ZC3H15: variants seen among roughly 807,000 people sequenced by gnomAD.
The protein encoded by ZC3H15 is zinc finger CCCH domain-containing protein 15.
A neutral mutation model predicts 51.2 loss-of-function variants in ZC3H15; 15 were observed. The observed-to-expected ratio is 0.29, with a 90% CI of 0.20 to 0.45. The LOEUF (loss-of-function observed/expected upper bound fraction) is 0.45. ZC3H15 is among the 20% of genes least tolerant of loss of function. The pLI is 1.00. For missense variants in ZC3H15, 381 were observed against 494.7 expected (o/e 0.77, Z 2.18); for synonymous variants, 144 against 162.8 (o/e 0.88, Z 0.88).
At chr2:186,497,061 C>A in intron 2 of ZC3H15, 1 of 366,376 alleles carries the variant, frequency 2.7e-6, no homozygotes, top group Non-Finnish European at 5.2e-6. Flanking sequence ...AAATGTAGCC[C>A]CTTTTTTTTT....
In ZC3H15 at chr2:186,500,283, A is replaced by T. The variant is rs1685359086; in HGVS notation, c.279A>T (p.Lys93Asn). 2 of 1,605,006 alleles carry T rather than the reference A, an allele frequency of 1.2e-6. No individual in the cohort carries two copies. Among genetic ancestry groups the T allele is most frequent in the South Asian group, 1.1e-5 (1 of 88,198 alleles). Residue 93 changes from lysine to asparagine, a missense_variant, in exon 3 of 10, where the codon AAA (lysine) becomes AAT (asparagine). Lys to Asn is a moderately conservative substitution (Grantham distance 94). Transcript: ENST00000337859. ...ELFKPVVAAQ[K>N]ISKGADPKSV... Reference sequence around the variant, plus strand: ...TCAAACCTGTAGTTGCTGCTCAAAAAATAAGTAAAGGTAAACTTAAAATTT... The same window carrying T: ...TCAAACCTGTAGTTGCTGCTCAAAATATAAGTAAAGGTAAACTTAAAATTT...
intron 9 of ZC3H15, 138 bp from the exon 10 acceptor site, chr2:186,508,405 G>T (rs1406576360): frequency 1.4e-6 from 1 of 715,828 alleles, no homozygotes; most frequent in Non-Finnish European, 2.3e-6. Flanking sequence ...ATCAGTTCTT[G>T]CTGGAGTAAT....
At chr2:186,494,829 G>A (rs541792032) in intron 1 of ZC3H15, among the ~76,000 whole-genome samples, 2 of 152,186 alleles carry the variant, frequency 1.3e-5, no homozygotes, top group South Asian at 2.1e-4. Context: ...GTGGGGTGGC[G>A]GAGGGGAGGG....
In ZC3H15 at chr2:186,501,416, C is replaced by G. The variant is rs752108059; in HGVS notation, c.433C>G (p.Leu145Val). The G allele has an allele frequency of 1.2e-6, 2 of 1,604,860 alleles. No individual in the cohort carries two copies. The highest frequency in any genetic ancestry group is 1.7e-6 in the Non-Finnish European group (2 of 1,176,894). ...SVYIDARDEE[L>V]EKDTMDNWDE... ...TTACATTGATGCAAGAGATGAAGAACTTGAAAAAGGTAATTTTTTTAAAAA... is the reference window on the plus strand; with the variant it reads ...TTACATTGATGCAAGAGATGAAGAAGTTGAAAAAGGTAATTTTTTTAAAAA... The change falls in exon 4 of 10, where the codon CTT becomes GTT. Residue 145 changes from leucine to valine, a missense_variant. Transcript: ENST00000337859.
chr2:186,498,220 T>G (rs1438926725), intron 2 of ZC3H15, among the ~76,000 whole-genome samples: 1 of 152,050 alleles, frequency 6.6e-6, no homozygotes, highest in African/African-American at 2.4e-5. Context: ...TACCTCCCCC[T>G]ACACCCAAAA....
At chr2:186,507,100 G>GT (rs770939625) in intron 9 of ZC3H15, among the ~76,000 whole-genome samples, 13 of 152,152 alleles carry the variant, frequency 8.5e-5, no homozygotes, top group Non-Finnish European at 1.9e-4. Context: ...GACCTCATGA[G>GT]TTTGAGATTT....
At chr2:186,502,856 T>C (rs891959749) in intron 5 of ZC3H15, among the ~76,000 whole-genome samples, 5 of 152,130 alleles carry the variant, frequency 3.3e-5, no homozygotes, top group African/African-American at 9.7e-5. Context: ...CAAATATGGA[T>C]AAACAAAATT....
Position 186,486,474 on chromosome 2 carries a change from CCCCCA to C in ZC3H15, c.75+19_75+23del. 1 of 1,537,780 alleles carries C rather than the reference CCCCCA, an allele frequency of 6.5e-7. No individual in the cohort carries two copies. Among genetic ancestry groups the C allele is most frequent in the Non-Finnish European group, 8.8e-7 (1 of 1,139,372 alleles). ...ATTATCGAAGTGAGTACCCACCCCT[CCCCCA>C]CTCACGCCGCGAGCCCTCCGGAAAG... On this transcript the variant is annotated intron_variant, in intron 1 of 9. Coordinates refer to ENST00000337859, the MANE Select transcript of ZC3H15 (RefSeq NM_018471.3).
At chr2:186,502,814 C>T (rs931743051) in intron 5 of ZC3H15, among the ~76,000 whole-genome samples, 2 of 152,070 alleles carry the variant, frequency 1.3e-5, no homozygotes, top group Non-Finnish European at 2.9e-5. Context: ...TACTGAAGTC[C>T]TTTAAATGCC....
chr2:186,501,868 C>T (rs915504309), intron 4 of ZC3H15, among the ~76,000 whole-genome samples: 1 of 151,942 alleles, frequency 6.6e-6, no homozygotes, highest in Non-Finnish European at 1.5e-5. Context: ...CGTGCCGCCA[C>T]GCCCAGCTCA....
At chr2:186,503,467 T>C (rs1470230) in intron 5 of ZC3H15, among the ~76,000 whole-genome samples, 100,785 of 152,022 alleles carry the variant, frequency 0.66, 33,720 homozygotes, top group Non-Finnish European at 0.71. Flanking sequence ...ACCTCTGCTT[T>C]CCGGGTTCAA....
At chr2:186,500,121 T>G in intron 2 of ZC3H15, 61 bp from the exon 3 acceptor site, 1 of 1,445,038 alleles carries the variant, frequency 6.9e-7, no homozygotes, top group South Asian at 1.3e-5. Context: ...AATGCTAACT[T>G]TGTAGTAAAA....
intron 2 of ZC3H15, among the ~76,000 whole-genome samples, chr2:186,496,641 T>A (rs1346136423): frequency 6.6e-6 from 1 of 152,256 alleles, no homozygotes; most frequent in East Asian, 1.9e-4. Flanking sequence ...GTTAGGCGAT[T>A]TAGTCATTGT....
rs1685378058 is a variant in ZC3H15 at position 186,501,254 on chromosome 2, C to T, written c.290-19C>T. 1 of 1,588,786 alleles carries T rather than the reference C, an allele frequency of 6.3e-7. No individual in the cohort carries two copies. Among genetic ancestry groups the T allele is most frequent in the Non-Finnish European group, 8.6e-7 (1 of 1,167,488 alleles). On this transcript the variant is annotated intron_variant, in intron 3 of 9. Coordinates refer to ENST00000337859, the MANE Select transcript of ZC3H15 (RefSeq NM_018471.3). ...GCCTGGCAGATTATAATACAAATAC[C>T]ATATGCCATTTGACATAGGTGCAGA...
intron 1 of ZC3H15, among the ~76,000 whole-genome samples, chr2:186,493,576 T>G (rs1025179697): frequency 6.6e-6 from 1 of 152,028 alleles, no homozygotes. Context: ...CTATATGAGT[T>G]TCTTAGAACT....
chr2:186,505,763 A>C lies in ZC3H15; in HGVS notation c.888A>C (p.Glu296Asp). Residue 296 changes from glutamate (E) to aspartate (D), a missense_variant, in exon 8 of 10, where the codon GAA becomes GAC. Around this residue, in one of 3 missense-constraint regions of ZC3H15, gnomAD observed 215 missense variants for 241.8 expected, o/e 0.89. Coordinates refer to ENST00000337859, the MANE Select transcript of ZC3H15 (RefSeq NM_018471.3). The part of the protein sequence containing the change: ...ALVISGREVF[E>D]FRPELVNDDD... ...AGATCAGTGGTCGTGAAGTGTTTGAATTTCGTCCTGAACTGGTCAATGATG... is the reference window on the plus strand; with the variant it reads ...AGATCAGTGGTCGTGAAGTGTTTGACTTTCGTCCTGAACTGGTCAATGATG... 6.2e-7 allele frequency: 1 copy of C among 1,614,066 alleles called. No homozygotes were observed. The highest frequency in any genetic ancestry group is 8.5e-7 in the Non-Finnish European group (1 of 1,179,986).
chr2:186,500,516 A>C, intron 3 of ZC3H15: 1 of 648,454 alleles, frequency 1.5e-6, no homozygotes, highest in Non-Finnish European at 2.9e-6. Context: ...CCCCACACTT[A>C]AGGCAAAATT....
chr2:186,508,875 C>G lies in ZC3H15; in HGVS notation c.*142C>G. 1 of 811,230 alleles carries G rather than the reference C, an allele frequency of 1.2e-6. No homozygotes were observed. Among genetic ancestry groups the G allele is most frequent in the South Asian group, 1.8e-5 (1 of 57,116 alleles). The allele number at this position is 811,230 out of a possible 1,614,324, so 50.3% of individuals were successfully genotyped here. ...AGTTAACCTCCTGCAAAAAAGGCAT[C>G]TTGTCCCTACATCTTCTCTTCTGAC... On this transcript the variant is annotated 3_prime_UTR_variant, in exon 10 of 10. Coordinates refer to ENST00000337859, the MANE Select transcript of ZC3H15 (RefSeq NM_018471.3).
At chr2:186,495,188 G>A (rs1685262886) in intron 1 of ZC3H15, 45 bp from the exon 2 acceptor site, 2 of 1,142,320 alleles carry the variant, frequency 1.8e-6, no homozygotes, top group Non-Finnish European at 2.5e-6. Context: ...GGATATATAT[G>A]GTAACATAAA....
Sources: gnomAD v4.1 joint callset for allele counts (sites outside exome capture counted in the v4.1 genomes callset) on GRCh38, gnomAD v4.1.1 for gene constraint, gnomAD v4.1.1 regional missense constraint, MANE v1.5 for transcripts, NCBI Gene and HGNC (gene_info 2026-07-23, HGNC 2026-07-21) for gene names.